The following RPS6KA5 variants were observed in gnomAD, a reference collection of about 807,000 sequenced individuals.
The protein encoded by RPS6KA5 is ribosomal protein S6 kinase alpha-5.
In RPS6KA5, 27 loss-of-function variants were observed where a neutral mutation model predicts 85.5. The ratio of observed to expected loss-of-function variants is 0.32; its 90% CI spans 0.23 to 0.44. RPS6KA5 has a LOEUF of 0.44. Among genes scored for constraint, RPS6KA5 ranks in the 20% least tolerant of loss-of-function variants. The pLI is 1.00. For synonymous variants in RPS6KA5, 334 were observed against 348.2 expected, an observed-to-expected ratio of 0.96 and a Z score of 0.46; for missense variants, 811 against 980.9, an observed-to-expected ratio of 0.83 and a Z score of 2.31.
At chr14:91,039,755 C>G (rs1256367104) in intron 1 of RPS6KA5, among the ~76,000 whole-genome samples, 1 of 152,196 alleles carries the variant, frequency 6.6e-6, no homozygotes, top group African/African-American at 2.4e-5. Flanking sequence ...CCCACAGCCA[C>G]AGCTTGACTC....
At chr14:90,993,525 C>T (rs902808236) in intron 2 of RPS6KA5, among the ~76,000 whole-genome samples, 5 of 152,190 alleles carry the variant, frequency 3.3e-5, no homozygotes, top group Admixed American at 2.6e-4. Context: ...TTAGGGAAAA[C>T]AGTTTTGCTG....
chr14:91,040,632 G>A (rs1242037222), intron 1 of RPS6KA5, among the ~76,000 whole-genome samples: 3 of 152,084 alleles, frequency 2.0e-5, no homozygotes, highest in African/African-American at 7.2e-5. Context: ...GATAACATTT[G>A]CTTTCCCAGG....
intron 1 of RPS6KA5, among the ~76,000 whole-genome samples, chr14:91,015,878 C>G (rs142428217): frequency 2.6e-5 from 4 of 152,290 alleles, no homozygotes; most frequent in African/African-American, 9.6e-5. Context: ...AAACTGGTGA[C>G]CAAAGAAACT....
At chr14:91,004,738 C>T (rs1020532202) in intron 1 of RPS6KA5, among the ~76,000 whole-genome samples, 1 of 151,850 alleles carries the variant, frequency 6.6e-6, no homozygotes, top group Non-Finnish European at 1.5e-5. Context: ...GAGGCCGAGG[C>T]GGGTGGATCA....
In RPS6KA5 at chr14:90,946,316, C is replaced by T. The variant is rs540258731; in HGVS notation, c.510+1119G>A. Among the ~76,000 whole-genome samples, 4 of 151,628 alleles carry T rather than the reference C, an allele frequency of 2.6e-5. No homozygotes were observed. In the South Asian group the frequency reaches 6.3e-4, roughly 24 times the overall value. ...CCCTGCCCCTCAACCCCCCCATTAC[C>T]AAAGGTTTCTTTCCCTGCTTGTTCT... On this transcript the variant is annotated intron_variant, in intron 4 of 16. Transcript: ENST00000614987.
rs1442740599 is a variant in RPS6KA5, at chr14:90,866,708, A to G, written c.*5366T>C. On this transcript the variant is annotated 3_prime_UTR_variant, in exon 17 of 17. Transcript: ENST00000614987. ...ATACCATTTTTACCAGCTATACTTT[A>G]AAATGCCAGTCTTTAAAAATTCCTC... 6.6e-6 allele frequency: 1 copy of G among 152,226 alleles called. No homozygotes were observed. The highest frequency in any genetic ancestry group is 1.5e-5 in the Non-Finnish European group (1 of 68,040). The allele number at this position is 152,226 out of a possible 1,614,324, so 9.4% of individuals were successfully genotyped here.
chr14:90,872,428 C>T, intron 16 of RPS6KA5, 106 bp from the exon 17 acceptor site: 1 of 1,381,170 alleles, frequency 7.2e-7, no homozygotes, highest in Non-Finnish European at 9.7e-7. Context: ...AACTGCAGCC[C>T]CAAGTTGTTT....
intron 1 of RPS6KA5, among the ~76,000 whole-genome samples, chr14:91,015,231 C>T (rs180839529): frequency 3.2e-3 from 490 of 152,168 alleles, no homozygotes; most frequent in Non-Finnish European, 5.2e-3. Flanking sequence ...ACCTGGAACC[C>T]GAATCTAGAC....
intron 7 of RPS6KA5, chr14:90,911,594 A>G (rs1012956285): frequency 6.6e-6 from 1 of 152,224 alleles, no homozygotes; most frequent in African/African-American, 2.4e-5. Context: ...CTAGGGGAAA[A>G]GTGAAACATA....
chr14:90,894,678 TTAAA>T, intron 12 of RPS6KA5, 95 bp from the exon 13 acceptor site: 1 of 1,349,444 alleles, frequency 7.4e-7, no homozygotes, highest in Non-Finnish European at 1.0e-6. Context: ...ACCAATACGT[TTAAA>T]TAATCCCCTG....
At chr14:90,988,816 A>AAAATAAAT (rs59317657) in intron 2 of RPS6KA5, among the ~76,000 whole-genome samples, 2 of 152,032 alleles carry the variant, frequency 1.3e-5, no homozygotes, top group South Asian at 2.1e-4. Context: ...CCATCTCAAA[A>AAAATAAAT]AAATAAATAA....
chr14:90,911,396 G>C (rs982054429), intron 7 of RPS6KA5: 1 of 152,132 alleles, frequency 6.6e-6, no homozygotes, highest in African/African-American at 2.4e-5. Flanking sequence ...CATTCTCATG[G>C]GTTGTTTATT....
rs145258497 is a variant in RPS6KA5 at position 91,044,220 on chromosome 14, G to A, written c.103+16112C>T. On this transcript the variant is annotated intron_variant, in intron 1 of 16. Coordinates refer to ENST00000614987, the MANE Select transcript of RPS6KA5 (RefSeq NM_004755.4). ...CTGGCCTGGGCAACAAGAGTAAAAC[G>A]AAAGAGAGAAAGAGATGGGGGAGAG... 1.4e-3 allele frequency among the ~76,000 whole-genome samples: 208 copies of A among 148,624 alleles called. 1 individual carries two copies. Among genetic ancestry groups the A allele is most frequent in the African/African-American group, 4.5e-3 (182 of 40,274 alleles).
chr14:91,004,997 C>A (rs1232129321), intron 1 of RPS6KA5, among the ~76,000 whole-genome samples: 1 of 151,396 alleles, frequency 6.6e-6, no homozygotes. Context: ...AACAAAAAAA[C>A]AAAAAAACAG....
intron 2 of RPS6KA5, among the ~76,000 whole-genome samples, chr14:90,988,758 A>G (rs1403525905): frequency 1.3e-5 from 2 of 152,194 alleles, no homozygotes; most frequent in African/African-American, 2.4e-5. Flanking sequence ...GGTTGCAGTG[A>G]GCTGAGATCA....
At chr14:90,906,037 G>T in intron 8 of RPS6KA5, 112 bp downstream of exon 8, 2 of 1,048,790 alleles carry the variant, frequency 1.9e-6, no homozygotes, top group Non-Finnish European at 2.7e-6. Flanking sequence ...ACGTGAAAAT[G>T]CCAGTGGAAA....
At chr14:90,874,615 T>G (rs1018854292) in intron 15 of RPS6KA5, among the ~76,000 whole-genome samples, 1 of 152,116 alleles carries the variant, frequency 6.6e-6, no homozygotes, top group Non-Finnish European at 1.5e-5. Context: ...CATAATCACA[T>G]AGGGATTCTA....
intron 3 of RPS6KA5, among the ~76,000 whole-genome samples, chr14:90,977,501 G>T (rs1176893640): frequency 1.3e-5 from 2 of 152,178 alleles, no homozygotes; most frequent in African/African-American, 2.4e-5. Flanking sequence ...GAGTGTAAAG[G>T]GCTGACTGAT....
rs752631053 is a variant in RPS6KA5 at position 90,851,481 on chromosome 14, G to C, written c.*20593C>G. On this transcript the variant is annotated 3_prime_UTR_variant, in exon 17 of 17. Transcript: ENST00000614987. ...GATCCCTCAGTATGCTGGTGAGACA[G>C]GGAGGCACAGGTTAACCCCATTTTA... The C allele has an allele frequency of 6.6e-6, 1 of 152,162 alleles. No homozygotes were observed. Among genetic ancestry groups the C allele is most frequent in the Non-Finnish European group, 1.5e-5 (1 of 68,054 alleles). The allele number at this position is 152,162 out of a possible 1,614,324, so 9.4% of individuals were successfully genotyped here.
Sources: gnomAD v4.1 joint callset for allele counts (sites outside exome capture counted in the v4.1 genomes callset) on GRCh38, gnomAD v4.1.1 for gene constraint, MANE v1.5 for transcripts, NCBI Gene and HGNC (gene_info 2026-07-23, HGNC 2026-07-21) for gene names.